ALDH9A1: variants seen among roughly 807,000 people sequenced by gnomAD.
The protein encoded by ALDH9A1 is aldehyde dehydrogenase 9 family member A1, also known as 4-trimethylaminobutyraldehyde dehydrogenase.
In ALDH9A1, 42 loss-of-function variants were observed where a neutral mutation model predicts 56.6. The ratio of observed to expected loss-of-function variants is 0.74; its 90% CI spans 0.58 to 0.96. The LOEUF (loss-of-function observed/expected upper bound fraction) is 0.96, where lower values mean the gene tolerates loss of function less well. Ranked by LOEUF, ALDH9A1 falls within the 40% of genes least tolerant of loss-of-function variation. The probability of loss-of-function intolerance (pLI) is 0.00; values close to 1 mark genes in which losing one functional copy is unlikely to be tolerated. For missense variants in ALDH9A1, 661 were observed against 651.5 expected, an observed-to-expected ratio of 1.01 and a Z score of -0.16; for synonymous variants, 242 against 236.0, an observed-to-expected ratio of 1.03 and a Z score of -0.23.
intron 1 of ALDH9A1, among the ~76,000 whole-genome samples, chr1:165,697,574 G>A (rs1439896126): frequency 6.6e-6 from 1 of 152,150 alleles, no homozygotes; most frequent in African/African-American, 2.4e-5. Context: ...ATTAGAATGT[G>A]GAGACAAAGT....
Position 165,679,576 on chromosome 1 carries a change from C to G in ALDH9A1, c.796G>C (p.Glu266Gln). The G allele has an allele frequency of 6.2e-7, 1 of 1,614,150 alleles. No homozygotes were observed. Among genetic ancestry groups the G allele is most frequent in the Non-Finnish European group, 8.5e-7 (1 of 1,180,024 alleles). ...GSVPTGMKIM[E>Q]MSAKGIKPVT... ...GGTTTGATTCCTTTAGCTGACATCT[C>G]CATGATCTTGCAGAACAAGGACAAG... Residue 266 changes from glutamate to glutamine, a missense_variant, in exon 6 of 11, where the codon GAG becomes CAG. By Grantham distance (29) the Glu-to-Gln change is conservative. Coordinates refer to ENST00000354775, the MANE Select transcript of ALDH9A1 (RefSeq NM_000696.4).
intron 5 of ALDH9A1, among the ~76,000 whole-genome samples, chr1:165,680,012 CA>C (rs1263590636): frequency 1.3e-5 from 2 of 151,878 alleles, no homozygotes; most frequent in African/African-American, 4.8e-5. Context: ...GACCCTGTCT[CA>C]AAAAAATAAA....
intron 9 of ALDH9A1, among the ~76,000 whole-genome samples, chr1:165,666,752 T>C (rs1394019093): frequency 6.6e-6 from 1 of 152,234 alleles, no homozygotes; most frequent in Non-Finnish European, 1.5e-5. Context: ...TCAAAGTTTG[T>C]ATAAAACCAA....
At chr1:165,673,126 A>T (rs1052597785) in intron 6 of ALDH9A1, among the ~76,000 whole-genome samples, 3 of 150,564 alleles carry the variant, frequency 2.0e-5, no homozygotes, top group Non-Finnish European at 4.4e-5. Flanking sequence ...AAAACCTCTG[A>T]TTACGAATGG....
At chr1:165,666,510 G>T (rs1649012169) in intron 9 of ALDH9A1, among the ~76,000 whole-genome samples, 1 of 152,182 alleles carries the variant, frequency 6.6e-6, no homozygotes. Flanking sequence ...TAAAGTAAGA[G>T]CACTTAACCT....
chr1:165,695,292 T>G lies in ALDH9A1; in HGVS notation c.287A>C (p.Glu96Ala). Reference sequence around the variant, plus strand: ...AGCCTCCAAAAGGATTCGGCAACGCTCCATGCCAGATTTTTGACTCCATAT... The same window carrying G: ...AGCCTCCAAAAGGATTCGGCAACGCGCCATGCCAGATTTTTGACTCCATAT... ...FKIWSQKSGM[E>A]RCRILLEAAR... Residue 96 changes from glutamate to alanine, a missense_variant, in exon 2 of 11, where the codon GAG becomes GCG. By Grantham distance (107) the Glu-to-Ala change is moderately radical. Coordinates refer to ENST00000354775, the MANE Select transcript of ALDH9A1 (RefSeq NM_000696.4). The G allele has an allele frequency of 6.2e-7, 1 of 1,613,038 alleles. No homozygotes were observed. Among genetic ancestry groups the G allele is most frequent in the Non-Finnish European group, 8.5e-7 (1 of 1,179,562 alleles).
At chr1:165,680,182 T>G (rs1483612359) in intron 5 of ALDH9A1, among the ~76,000 whole-genome samples, 1 of 152,040 alleles carries the variant, frequency 6.6e-6, no homozygotes, top group Non-Finnish European at 1.5e-5. Flanking sequence ...ATACAAGAAA[T>G]TAAGTCACTA....
rs1430995098 is a variant in ALDH9A1 at position 165,662,482 on chromosome 1, G to C, written c.*568C>G. On this transcript the variant is annotated 3_prime_UTR_variant, in exon 11 of 11. Coordinates refer to ENST00000354775, the MANE Select transcript of ALDH9A1 (RefSeq NM_000696.4). The stretch of plus-strand genomic sequence containing the variant: ...CAGCTTTCTCAATGGAATGACAAGG[G>C]GATATAGCTTAAAAAAATGTCAATG... The C allele has an allele frequency of 6.6e-6, 1 of 152,580 alleles. No homozygotes were observed. The highest frequency in any genetic ancestry group is 2.4e-5 in the African/African-American group (1 of 41,436). 9.5% of individuals were successfully genotyped at this position (152,580 alleles called of 1,614,324 possible).
At position 165,662,753 on chromosome 1, in the gene ALDH9A1, G is replaced by A; in HGVS notation, c.*297C>T. 2 of 319,044 alleles carry A rather than the reference G, an allele frequency of 6.3e-6. No homozygotes were observed. Among genetic ancestry groups the A allele is most frequent in the Non-Finnish European group, 1.2e-5 (2 of 169,424 alleles). The allele number at this position is 319,044 out of a possible 1,614,324, so 19.8% of individuals were successfully genotyped here. ...TCAGTGGGCCAAATGTGTGGAAGAT[G>A]TATTATCCTAGTCTCTTTTCCTGTT... On this transcript the variant is annotated 3_prime_UTR_variant, in exon 11 of 11. Transcript: ENST00000354775.
At chr1:165,668,796 A>C (rs1649084066) in intron 8 of ALDH9A1, 130 bp downstream of exon 8, 1 of 682,390 alleles carries the variant, frequency 1.5e-6, no homozygotes, top group Admixed American at 3.1e-5. Context: ...CTACTTCTTA[A>C]ACTTGGGTAG....
At chr1:165,670,195 G>A (rs1403020692) in intron 6 of ALDH9A1, among the ~76,000 whole-genome samples, 1 of 152,178 alleles carries the variant, frequency 6.6e-6, no homozygotes, top group African/African-American at 2.4e-5. Context: ...CACTTTGGGA[G>A]GACAAGGTGG....
chr1:165,682,357 T>C, intron 3 of ALDH9A1, 116 bp from the exon 4 acceptor site: 1 of 1,111,196 alleles, frequency 9.0e-7, no homozygotes, highest in Non-Finnish European at 1.3e-6. Context: ...CTTCTCCCAA[T>C]ACACCAGGCT....
intron 3 of ALDH9A1, 178 bp downstream of exon 3, chr1:165,682,803 A>G: frequency 1.5e-6 from 1 of 656,694 alleles, no homozygotes; most frequent in Non-Finnish European, 2.5e-6. Context: ...GGTAGGAATT[A>G]TTATCTCCAG....
At chr1:165,663,621 C>T (rs191286802) in intron 10 of ALDH9A1, among the ~76,000 whole-genome samples, 239 of 152,342 alleles carry the variant, frequency 1.6e-3, no homozygotes, top group Middle Eastern at 6.8e-3. Context: ...CCTCTGATTA[C>T]TCAGAGTTCA....
At position 165,662,330 on chromosome 1, in the gene ALDH9A1, C is replaced by T. The variant is rs912257662; in HGVS notation, c.*720G>A. The T allele has an allele frequency of 6.6e-6, 1 of 152,198 alleles. No individual in the cohort carries two copies. Among genetic ancestry groups the T allele is most frequent in the Non-Finnish European group, 1.5e-5 (1 of 68,052 alleles). The allele number at this position is 152,198 out of a possible 1,614,324, so 9.4% of individuals were successfully genotyped here. ...AAGACAGCAGGCTGTAGTTCAAGGA[C>T]CCAAGATAGGGAGATAGATTTCCTC... On this transcript the variant is annotated 3_prime_UTR_variant, in exon 11 of 11. Transcript: ENST00000354775.
chr1:165,693,349 G>T (rs1558013019), intron 2 of ALDH9A1, among the ~76,000 whole-genome samples: 1 of 152,106 alleles, frequency 6.6e-6, no homozygotes, highest in Admixed American at 6.5e-5. Context: ...AATCTACAAT[G>T]AACTTAAACA....
At chr1:165,672,964 A>C (rs1199610035) in intron 6 of ALDH9A1, among the ~76,000 whole-genome samples, 4 of 111,666 alleles carry the variant, frequency 3.6e-5, no homozygotes, top group Admixed American at 1.1e-4. Flanking sequence ...AAAAATAAAA[A>C]AAATACAAAC....
rs193258827 is a variant in ALDH9A1 at position 165,669,019 on chromosome 1, G to A, written c.1120-6C>T. The stretch of plus-strand genomic sequence containing the variant: ...CCACATAACACTTTAGCACCCTGCC[G>A]AAAAGGAAAAAAGATATGTTGTATT... On this transcript the variant is annotated splice_polypyrimidine_tract_variant and splice_region_variant and intron_variant, in intron 7 of 10. Transcript: ENST00000354775. The A allele has an allele frequency of 4.6e-4, 729 of 1,578,308 alleles. 1 individual carries two copies. The highest frequency in any genetic ancestry group is 3.5e-4 in the Admixed American group (18 of 50,860).
intron 6 of ALDH9A1, among the ~76,000 whole-genome samples, chr1:165,674,246 C>T (rs547418395): frequency 6.6e-6 from 1 of 150,784 alleles, no homozygotes; most frequent in Admixed American, 6.6e-5. Flanking sequence ...ACCAGCAGCC[C>T]CTGGGGCAGC....
Sources: gnomAD v4.1 joint callset for allele counts (sites outside exome capture counted in the v4.1 genomes callset) on GRCh38, gnomAD v4.1.1 for gene constraint, MANE v1.5 for transcripts, NCBI Gene and HGNC (gene_info 2026-07-23, HGNC 2026-07-21) for gene names.